The following ZPBP variants were observed in gnomAD, a reference collection of about 807,000 sequenced individuals.
ZPBP encodes the protein zona pellucida-binding protein 1.
Under a neutral mutation model 44.8 loss-of-function variants are expected in ZPBP, and 26 were observed. That is an observed-to-expected ratio of 0.58 (90% CI 0.43 to 0.81). ZPBP has a LOEUF of 0.81. Among genes scored for constraint, ZPBP ranks in the 30% least tolerant of loss-of-function variants. The pLI, the probability that ZPBP is intolerant of heterozygous loss-of-function variation, is 0.00. For missense variants in ZPBP, 409 were observed against 434.0 expected, an observed-to-expected ratio of 0.94 and a Z score of 0.51; for synonymous variants, 174 against 153.2, an observed-to-expected ratio of 1.14 and a Z score of -1.00.
intron 7 of ZPBP, among the ~76,000 whole-genome samples, chr7:49,967,577 G>A (rs7806992): frequency 0.78 from 118,213 of 152,036 alleles, 46,125 homozygotes; most frequent in East Asian, 0.89. Flanking sequence ...ATGAAGTTTC[G>A]CTCTTGTTGC....
At chr7:50,060,676 T>C (rs540583670) in intron 3 of ZPBP, among the ~76,000 whole-genome samples, 129 of 152,094 alleles carry the variant, frequency 8.5e-4, no homozygotes, top group African/African-American at 3.1e-3. Context: ...ATCAAAAACC[T>C]ACCAACAACA....
intron 4 of ZPBP, among the ~76,000 whole-genome samples, chr7:50,037,251 T>C (rs544762187): frequency 6.6e-6 from 1 of 152,340 alleles, no homozygotes; most frequent in African/African-American, 2.4e-5. Flanking sequence ...TAAATTCTTT[T>C]TTAAAAACAA....
chr7:49,867,272 A>T (rs576965299), intron 2 of ZPBP, among the ~76,000 whole-genome samples: 1 of 152,334 alleles, frequency 6.6e-6, no homozygotes, highest in South Asian at 2.1e-4. Flanking sequence ...CACTAAAAAT[A>T]TACTTAAAGA....
At chr7:50,001,090 C>T (rs1229176338) in intron 6 of ZPBP, among the ~76,000 whole-genome samples, 4 of 152,144 alleles carry the variant, frequency 2.6e-5, no homozygotes, top group African/African-American at 4.8e-5. Context: ...ACACCCTGAT[C>T]GTGCTCTTCT....
At chr7:49,888,731 T>C (rs2128729628) in intron 2 of ZPBP, among the ~76,000 whole-genome samples, 1 of 152,164 alleles carries the variant, frequency 6.6e-6, no homozygotes, top group Admixed American at 6.5e-5. Flanking sequence ...GCCAACATGG[T>C]AAAACCCCGT....
chr7:50,041,893 T>C (rs1448718799), intron 4 of ZPBP, among the ~76,000 whole-genome samples: 1 of 152,170 alleles, frequency 6.6e-6, no homozygotes, highest in East Asian at 1.9e-4. Flanking sequence ...AAGGAGCATG[T>C]TGTAATCAGA....
chr7:50,037,895 C>T (rs1488581257), intron 4 of ZPBP, among the ~76,000 whole-genome samples: 1 of 152,140 alleles, frequency 6.6e-6, no homozygotes. Flanking sequence ...AGGATGTCAG[C>T]ATTTCTCATC....
At chr7:49,981,259 A>G (rs1796857783) in intron 7 of ZPBP, among the ~76,000 whole-genome samples, 1 of 113,092 alleles carries the variant, frequency 8.8e-6, no homozygotes, top group Non-Finnish European at 1.7e-5. Flanking sequence ...TGTTATATAT[A>G]ATATAGATCA....
intron 7 of ZPBP, chr7:49,940,711 C>T (rs1237902281): frequency 2.1e-6 from 2 of 952,650 alleles, no homozygotes; most frequent in Non-Finnish European, 2.5e-6. Context: ...GGCATTTTTA[C>T]TCACCACTGT....
chr7:50,002,435 T>C (rs1798140646), intron 6 of ZPBP, among the ~76,000 whole-genome samples: 1 of 152,154 alleles, frequency 6.6e-6, no homozygotes, highest in South Asian at 2.1e-4. Flanking sequence ...TTTCCCAGGC[T>C]AGTCTTGAAC....
intron 7 of ZPBP, among the ~76,000 whole-genome samples, chr7:49,938,729 A>G (rs931185329): frequency 2.6e-5 from 4 of 152,120 alleles, no homozygotes; most frequent in Non-Finnish European, 5.9e-5. Context: ...TCCTGTTGCA[A>G]ATGTGGTTGC....
chr7:49,921,950 A>AT (rs1350953355), intron 1 of ZPBP: 1 of 152,142 alleles, frequency 6.6e-6, no homozygotes, highest in Non-Finnish European at 1.5e-5. Context: ...TATTAAACTG[A>AT]GTTTTGCACT....
intron 6 of ZPBP, among the ~76,000 whole-genome samples, chr7:50,006,730 T>C (rs1176523405): frequency 6.6e-6 from 1 of 151,734 alleles, no homozygotes; most frequent in Non-Finnish European, 1.5e-5. Context: ...AAATAGAGGA[T>C]AGAAAAATTC....
intron 2 of ZPBP, among the ~76,000 whole-genome samples, chr7:49,893,079 T>G (rs1278553188): frequency 6.6e-6 from 1 of 152,216 alleles, no homozygotes; most frequent in Non-Finnish European, 1.5e-5. Context: ...TTTTATTCCT[T>G]TGAGGAGGAC....
chr7:49,903,031 C>T (rs1300239759), intron 1 of ZPBP, among the ~76,000 whole-genome samples: 1 of 152,132 alleles, frequency 6.6e-6, no homozygotes, highest in African/African-American at 2.4e-5. Flanking sequence ...ACATCACCCG[C>T]CACTAGGGAA....
At chr7:49,994,115 T>C (rs1022192059) in intron 6 of ZPBP, among the ~76,000 whole-genome samples, 3 of 152,208 alleles carry the variant, frequency 2.0e-5, no homozygotes, top group African/African-American at 4.8e-5. Context: ...AGAATTAATA[T>C]ATAATTTCAC....
intron 5 of ZPBP, among the ~76,000 whole-genome samples, chr7:50,029,845 CTGTTGTTGTTGT>C (rs140686848): frequency 1.4e-5 from 2 of 147,240 alleles, no homozygotes; most frequent in Non-Finnish European, 3.0e-5. Context: ...GTTGTTGTTG[CTGTTGTTGTTGT>C]TGTTGTTGTT....
At chr7:49,935,180 A>G (rs1198278024), downstream of ZPBP, among the ~76,000 whole-genome samples, 2 of 152,162 alleles carry the variant, frequency 1.3e-5, no homozygotes, top group Non-Finnish European at 2.9e-5. Flanking sequence ...TCATTAATTT[A>G]AAAAATTATT....
At chr7:49,954,596 TAAC>T (rs1330994847) in intron 7 of ZPBP, among the ~76,000 whole-genome samples, 1 of 152,114 alleles carries the variant, frequency 6.6e-6, no homozygotes, top group East Asian at 1.9e-4. Flanking sequence ...TATTAATATC[TAAC>T]AAAATAGGCT....
Sources: allele counts gnomAD v4.1 joint callset (sites outside exome capture counted in the v4.1 genomes callset), GRCh38; gene constraint gnomAD v4.1.1; transcripts MANE v1.5; gene names NCBI Gene and HGNC (gene_info 2026-07-23, HGNC 2026-07-21).